The following PTPRH variants were observed in gnomAD, a reference collection of about 807,000 sequenced individuals.
The protein encoded by PTPRH is receptor-type tyrosine-protein phosphatase H.
Under a neutral mutation model 130.2 loss-of-function variants are expected in PTPRH, and 113 were observed. That is an observed-to-expected ratio of 0.87 (90% CI 0.75 to 1.01). The LOEUF (loss-of-function observed/expected upper bound fraction) is 1.01. Among genes scored for constraint, PTPRH ranks in the 50% least tolerant of loss-of-function variants. The pLI, the probability that PTPRH is intolerant of heterozygous loss-of-function variation, is 0.00. For missense variants in PTPRH, 1,430 were observed against 1,425.0 expected (o/e 1.00, Z -0.06); for synonymous variants, 556 against 577.9 (o/e 0.96, Z 0.54).
chr19:55,203,701 G>A (rs545965093), intron 5 of PTPRH, 81 bp downstream of exon 5: 1 of 1,470,404 alleles, frequency 6.8e-7, no homozygotes, highest in South Asian at 1.4e-5. Flanking sequence ...TAAAGAACCT[G>A]TCACATTTTG....
Position 55,186,229 on chromosome 19 carries a change from C to T in PTPRH, c.2774G>A (p.Gly925Asp). Residue 925 changes from glycine (G) to aspartate (D), a missense_variant, in exon 16 of 20, where the codon GGC becomes GAC. Coordinates refer to ENST00000376350, the MANE Select transcript of PTPRH (RefSeq NM_002842.5). ...CCCAGGACTCAGATCTCTCACCCGG[C>T]CGGCCTCCATGCAGTTGGTCAGCAT... ...LVMLTNCMEA[G>D]RVKCEHYWPL... is the part of the protein sequence containing the mutation. 1.9e-6 allele frequency: 3 copies of T among 1,608,384 alleles called. No homozygotes were observed.
At chr19:55,204,957 G>A (rs1288435283) in intron 4 of PTPRH, among the ~76,000 whole-genome samples, 1 of 152,168 alleles carries the variant, frequency 6.6e-6, no homozygotes, top group African/African-American at 2.4e-5. Flanking sequence ...CTGATGATCT[G>A]AGTTTCCATC....
chr19:55,194,971 T>C (rs1308886207), intron 10 of PTPRH, among the ~76,000 whole-genome samples: 1 of 152,102 alleles, frequency 6.6e-6, no homozygotes, highest in Non-Finnish European at 1.5e-5. Flanking sequence ...GAGGATTACT[T>C]CAGGTCAGGA....
chr19:55,201,645 G>T (rs898657974), intron 6 of PTPRH, among the ~76,000 whole-genome samples: 1 of 152,112 alleles, frequency 6.6e-6, no homozygotes, highest in Non-Finnish European at 1.5e-5. Context: ...TCCACATCAG[G>T]GTCATGGAGC....
chr19:55,196,721 C>A lies in PTPRH; in HGVS notation c.2058G>T (p.Trp686Cys). 6.2e-7 allele frequency: 1 copy of A among 1,614,096 alleles called. No individual in the cohort carries two copies. Among genetic ancestry groups the A allele is most frequent in the Non-Finnish European group, 8.5e-7 (1 of 1,180,026 alleles). Residue 686 changes from tryptophan to cysteine, a missense_variant, in exon 10 of 20, where the codon TGG (tryptophan) becomes TGT (cysteine). By Grantham distance (215) the Trp-to-Cys change is radical. Coordinates refer to ENST00000376350, the MANE Select transcript of PTPRH (RefSeq NM_002842.5). ...CCTCGTAGCCTCCCTGGGGGCAGGA[C>A]CAGATCAAGTTGACTCCATAGCCCG... is the stretch of plus-strand genomic sequence containing the variant. ...TSAGYGVNLI[W>C]SCPQGGYEAF...
At chr19:55,206,546 T>C (rs2122349219) in intron 3 of PTPRH, 143 bp downstream of exon 3, 5 of 865,424 alleles carry the variant, frequency 5.8e-6, no homozygotes, top group Middle Eastern at 4.1e-4. Context: ...TTTATGTGGC[T>C]GATAGAAAAT....
chr19:55,206,425 G>GCGAT (rs1321999943), intron 3 of PTPRH, among the ~76,000 whole-genome samples: 1 of 151,496 alleles, frequency 6.6e-6, no homozygotes, highest in East Asian at 2.0e-4. Flanking sequence ...CCGGGCTCAA[G>GCGAT]CGATCCTCTC....
At chr19:55,182,179 C>T in intron 18 of PTPRH, 28 bp from the exon 19 acceptor site, 1 of 1,609,648 alleles carries the variant, frequency 6.2e-7, no homozygotes, top group Non-Finnish European at 8.5e-7. Flanking sequence ...AGGGTCAGAC[C>T]AAGGGGCAGG....
In PTPRH at chr19:55,202,453, A is replaced by G. The variant is rs536305793; in HGVS notation, c.887-131T>C. ...TTCTGCACTGTCCAGTGTGGCAGCCACGAGTTCCACGTGAGTGTTGAGCAC... is the reference window on the plus strand; with the variant it reads ...TTCTGCACTGTCCAGTGTGGCAGCCGCGAGTTCCACGTGAGTGTTGAGCAC... On this transcript the variant is annotated intron_variant, in intron 5 of 19. Transcript: ENST00000376350. 7.9e-3 allele frequency: 10,712 copies of G among 1,361,238 alleles called. 62 individuals carry two copies. Among genetic ancestry groups the G allele is most frequent in the Middle Eastern group, 0.021 (101 of 4,734 alleles). 84.3% of individuals were successfully genotyped at this position (1,361,238 alleles called of 1,614,324 possible).
In PTPRH at chr19:55,182,153, T is replaced by C; in HGVS notation, c.3063-2A>G. The C allele has an allele frequency of 1.9e-6, 3 of 1,613,390 alleles. No homozygotes were observed. Among genetic ancestry groups the C allele is most frequent in the Non-Finnish European group, 2.5e-6 (3 of 1,179,940 alleles). The stretch of plus-strand genomic sequence containing the variant: ...GTTCCTGTGCGACCCACGCCAGCAC[T>C]AGGCAGAACAAGGGAAGGGTCAGAC... On this transcript the variant is annotated splice_acceptor_variant, in intron 18 of 19. Transcript: ENST00000376350. LOFTEE classifies it high-confidence loss of function.
chr19:55,189,946 A>AT (rs2086477129), intron 12 of PTPRH: 1 of 334,260 alleles, frequency 3.0e-6, no homozygotes, highest in Non-Finnish European at 5.9e-6. Context: ...GTGAGCTATG[A>AT]TTGCGCCACT....
At chr19:55,203,468 T>G (rs1010916598) in intron 5 of PTPRH, among the ~76,000 whole-genome samples, 26 of 150,714 alleles carry the variant, frequency 1.7e-4, no homozygotes, top group Admixed American at 1.7e-3. Flanking sequence ...CAGGCTGGAG[T>G]GCAGCAGTCC....
chr19:55,186,521 G>A lies in PTPRH; in HGVS notation c.2586C>T (p.Pro862=), dbSNP rs1136578. ...NVLPYDWSRV[P]LKPIHEEPGS... is the part of the protein sequence containing the mutation. Reference sequence around the variant, plus strand: ...CTGGCTCCTCATGGATGGGCTTCAGGGGCACCCGGGACCAGTCATCTAGGA... The same window carrying A: ...CTGGCTCCTCATGGATGGGCTTCAGAGGCACCCGGGACCAGTCATCTAGGA... The change falls in exon 15 of 20, where the codon CCC becomes CCT. Residue 862 remains proline, a synonymous_variant. Transcript: ENST00000376350. 0.094 allele frequency: 135,874 copies of A among 1,446,060 alleles called. 6,904 individuals carry two copies. The highest frequency in any genetic ancestry group is 0.24 in the African/African-American group (10,590 of 44,954). The allele number at this position is 1,446,060 out of a possible 1,614,324, so 89.6% of individuals were successfully genotyped here.
intron 8 of PTPRH, among the ~76,000 whole-genome samples, chr19:55,197,701 C>T (rs1028014945): frequency 1.3e-5 from 2 of 152,190 alleles, no homozygotes; most frequent in African/African-American, 4.8e-5. Context: ...TCCCATGAGG[C>T]TATGGATTCT....
At chr19:55,192,606 C>T (rs1212875791) in intron 10 of PTPRH, among the ~76,000 whole-genome samples, 1 of 150,892 alleles carries the variant, frequency 6.6e-6, no homozygotes, top group Non-Finnish European at 1.5e-5. Flanking sequence ...GGCTGCAGTG[C>T]AGTGGTGCGA....
chr19:55,206,761 A>G lies in PTPRH; in HGVS notation c.280T>C (p.Leu94=), dbSNP rs1429299924. The G allele has an allele frequency of 2.5e-6, 4 of 1,614,090 alleles. No individual in the cohort carries two copies. In the South Asian group the frequency reaches 4.4e-5, roughly 18 times the overall value. ...VTVDGLGPGS[L]YTCSVWVEKD... ...TCCACCCACACAGAACACGTATACA[A>G]TGACCCGGGTCCAAGGCCATCCACG... is the stretch of plus-strand genomic sequence containing the variant. Residue 94 remains leucine, a synonymous_variant, in exon 3 of 20, where the codon TTG becomes CTG. Coordinates refer to ENST00000376350, the MANE Select transcript of PTPRH (RefSeq NM_002842.5).
chr19:55,183,454 T>C (rs1462547312), intron 18 of PTPRH, among the ~76,000 whole-genome samples: 1 of 152,046 alleles, frequency 6.6e-6, no homozygotes, highest in Non-Finnish European at 1.5e-5. Flanking sequence ...CTGGGCGCAC[T>C]GGCTCACGCC....
At chr19:55,207,118 G>A (rs773251170) in intron 2 of PTPRH, 48 bp downstream of exon 2, 4 of 1,609,692 alleles carry the variant, frequency 2.5e-6, no homozygotes, top group East Asian at 2.2e-5. Flanking sequence ...CGGCAGTTGC[G>A]GTCCCACCTC....
rs1432234032 is a variant in PTPRH at position 55,185,583 on chromosome 19, T to A, written c.2981A>T (p.Asp994Val). The A allele has an allele frequency of 1.9e-6, 3 of 1,614,152 alleles. No homozygotes were observed. The highest frequency in any genetic ancestry group is 2.5e-6 in the Non-Finnish European group (3 of 1,180,024). Reference protein sequence around the residue: ...WPDHGVPSSPDTLLAFWRMLR... With the variant: ...WPDHGVPSSPVTLLAFWRMLR... ...CATCCTCCAGAAAGCCAGCAAGGTGTCTGGGGAGGAGGGAACGCCGTGATC... is the reference window on the plus strand; with the variant it reads ...CATCCTCCAGAAAGCCAGCAAGGTGACTGGGGAGGAGGGAACGCCGTGATC... Residue 994 changes from aspartate (D) to valine (V), a missense_variant, in exon 18 of 20, where the codon GAC becomes GTC. By Grantham distance (152) the Asp-to-Val change is radical. Transcript: ENST00000376350.
Sources: gnomAD v4.1 joint callset for allele counts (sites outside exome capture counted in the v4.1 genomes callset) on GRCh38, gnomAD v4.1.1 for gene constraint, MANE v1.5 for transcripts, NCBI Gene and HGNC (gene_info 2026-07-23, HGNC 2026-07-21) for gene names.